The following BCL7C variants were observed in gnomAD, a reference collection of about 807,000 sequenced individuals.
BCL7C encodes the protein BAF chromatin remodeling complex subunit BCL7C.
BCL7C carries 8 observed loss-of-function variants against 26.2 expected under a neutral mutation model. That is an observed-to-expected ratio of 0.30 (90% CI 0.18 to 0.55). The LOEUF (loss-of-function observed/expected upper bound fraction) is 0.55, where lower values mean the gene tolerates loss of function less well. Among genes scored for constraint, BCL7C ranks in the 20% least tolerant of loss-of-function variants. The probability of loss-of-function intolerance (pLI) is 0.93; values close to 1 mark genes in which losing one functional copy is unlikely to be tolerated. For missense variants in BCL7C, 262 were observed against 298.5 expected (o/e 0.88, Z 0.90); for synonymous variants, 90 against 116.5 (o/e 0.77, Z 1.47).
At chr16:30,837,462 C>T (rs1191202657) in intron 5 of BCL7C, among the ~76,000 whole-genome samples, 1 of 152,110 alleles carries the variant, frequency 6.6e-6, no homozygotes, top group Non-Finnish European at 1.5e-5. Context: ...ATTCTCCTGC[C>T]TCAGCCTCCC....
chr16:30,892,301 G>T (rs1456375577), intron 4 of BCL7C, among the ~76,000 whole-genome samples: 1 of 116,008 alleles, frequency 8.6e-6, no homozygotes, highest in South Asian at 2.6e-4. Flanking sequence ...AAAAAAAAAA[G>T]GATCAATATG....
At chr16:30,835,049 C>T in exon 6 of BCL7C, 1 of 1,549,074 alleles carries the variant, frequency 6.5e-7, no homozygotes, top group Non-Finnish European at 8.7e-7. Context: ...CTGGGCCGGA[C>T]ATTTGTCCGG....
chr16:30,887,998 G>A lies in BCL7C; in HGVS notation c.529-8C>T. Reference sequence around the variant, plus strand: ...AGGGTAAGCTTCGGGGGCCTGGAGAGGAAGGGTGGACAGGCGTGAGCTCCA... The same window carrying A: ...AGGGTAAGCTTCGGGGGCCTGGAGAAGAAGGGTGGACAGGCGTGAGCTCCA... On this transcript the variant is annotated splice_region_variant and splice_polypyrimidine_tract_variant and intron_variant, in intron 5 of 5. Transcript: ENST00000215115. The A allele has an allele frequency of 6.2e-7, 1 of 1,602,722 alleles. No homozygotes were observed. Among genetic ancestry groups the A allele is most frequent in the South Asian group, 1.1e-5 (1 of 89,390 alleles).
intron 5 of BCL7C, among the ~76,000 whole-genome samples, chr16:30,874,090 G>T (rs1183649302): frequency 6.0e-5 from 9 of 150,140 alleles, no homozygotes; most frequent in Non-Finnish European, 1.2e-4. Context: ...CTGCCTCCCG[G>T]GTTCAAGGGA....
chr16:30,872,543 A>C (rs1221803144), intron 5 of BCL7C, among the ~76,000 whole-genome samples: 1 of 152,214 alleles, frequency 6.6e-6, no homozygotes, highest in Non-Finnish European at 1.5e-5. Context: ...GAGAGGGTGA[A>C]AGCCCCAGTG....
chr16:30,844,041 CAAAAAAAAAAAA>C (rs533064710), intron 5 of BCL7C, among the ~76,000 whole-genome samples: 6 of 24,386 alleles, frequency 2.5e-4, no homozygotes, highest in South Asian at 3.9e-3. Context: ...GACTCTGCCT[CAAAAAAAAAAAA>C]AAAAAAAAAA....
intron 5 of BCL7C, among the ~76,000 whole-genome samples, chr16:30,869,569 T>C (rs1289954008): frequency 2.0e-5 from 3 of 150,942 alleles, no homozygotes; most frequent in African/African-American, 4.9e-5. Flanking sequence ...TGGAGTGCAG[T>C]GTCACGATCA....
intron 5 of BCL7C, among the ~76,000 whole-genome samples, chr16:30,843,351 A>G (rs1449044050): frequency 6.6e-6 from 1 of 152,124 alleles, no homozygotes; most frequent in Admixed American, 6.6e-5. Context: ...ACTTGAGACC[A>G]GGAGTTTGAG....
chr16:30,867,763 G>A lies in BCL7C; in HGVS notation c.528+21097C>T, dbSNP rs555925607. On this transcript the variant is annotated intron_variant, in intron 5 of 5. Coordinates refer to the BCL7C transcript ENST00000380317. ...AGCCAAGATCGCGCCACTGCACTCC[G>A]GCCTGGGCAACAGAGCAAGACTCCA... is the stretch of plus-strand genomic sequence containing the variant. Among the ~76,000 whole-genome samples the A allele has an allele frequency of 7.2e-5, 11 of 151,974 alleles. No homozygotes were observed. The East Asian group carries it at 1.2e-3, about 16-fold the overall frequency.
chr16:30,847,787 C>T (rs182003894), intron 5 of BCL7C, among the ~76,000 whole-genome samples: 8 of 151,890 alleles, frequency 5.3e-5, no homozygotes, highest in Admixed American at 4.6e-4. Context: ...CAGAATGAGA[C>T]TCTATCTTGA....
At position 30,893,303 on chromosome 16, in the gene BCL7C, G is replaced by T. The variant is rs1246872971; in HGVS notation, c.93-13C>A. ...CCATCGCTTCTCCCTGTGGGAGGGTGGGGGGCTGGGTCAGAGAGGCCTGAG... is the reference window on the plus strand; with the variant it reads ...CCATCGCTTCTCCCTGTGGGAGGGTTGGGGGCTGGGTCAGAGAGGCCTGAG... On this transcript the variant is annotated splice_polypyrimidine_tract_variant and intron_variant, in intron 1 of 5. Transcript: ENST00000215115. The surrounding 1 kb of genome is among the most constrained non-coding windows in gnomAD (Gnocchi z 5.2). 2 of 1,610,316 alleles carry T rather than the reference G, an allele frequency of 1.2e-6. No homozygotes were observed.
intron 5 of BCL7C, among the ~76,000 whole-genome samples, chr16:30,838,918 A>G (rs1277410187): frequency 6.6e-6 from 1 of 152,248 alleles, no homozygotes; most frequent in Non-Finnish European, 1.5e-5. Flanking sequence ...ACTTTCCCCA[A>G]ATCGTTAACA....
At chr16:30,880,747 A>G (rs891623137) in intron 5 of BCL7C, among the ~76,000 whole-genome samples, 2 of 151,914 alleles carry the variant, frequency 1.3e-5, no homozygotes, top group Non-Finnish European at 2.9e-5. Flanking sequence ...TGCCCAGGCT[A>G]GAGTGCAGTG....
intron 4 of BCL7C, among the ~76,000 whole-genome samples, chr16:30,890,632 C>T (rs2055212167): frequency 6.6e-6 from 1 of 152,060 alleles, no homozygotes; most frequent in Non-Finnish European, 1.5e-5. Context: ...GGCGGATCAC[C>T]TGAGGTCAGG....
intron 3 of BCL7C, 29 bp downstream of exon 3, chr16:30,892,811 G>A: frequency 1.2e-6 from 2 of 1,613,624 alleles, no homozygotes; most frequent in Non-Finnish European, 1.7e-6. Flanking sequence ...AGTCCCCACA[G>A]CCCCCCGCGT....
At chr16:30,838,098 C>T (rs2054580062) in intron 5 of BCL7C, among the ~76,000 whole-genome samples, 1 of 152,206 alleles carries the variant, frequency 6.6e-6, no homozygotes, top group African/African-American at 2.4e-5. Flanking sequence ...GGTCTCAATT[C>T]AGGGCACAGG....
chr16:30,866,979 A>C (rs1406344492), intron 5 of BCL7C, among the ~76,000 whole-genome samples: 2 of 152,226 alleles, frequency 1.3e-5, no homozygotes, highest in African/African-American at 4.8e-5. Context: ...ACTTGAGCCC[A>C]GGAGTTTGAG....
chr16:30,869,629 C>A (rs112745168), intron 5 of BCL7C, among the ~76,000 whole-genome samples: 1 of 151,802 alleles, frequency 6.6e-6, no homozygotes, highest in Non-Finnish European at 1.5e-5. Flanking sequence ...CTCCTGCCTT[C>A]GCCTGCAGTG....
downstream of BCL7C, chr16:30,887,712 C>G (rs900270356): frequency 3.1e-6 from 4 of 1,287,366 alleles, no homozygotes; most frequent in African/African-American, 6.2e-5. Context: ...GCCTCAGTGA[C>G]CACATCTGAG....
Sources: gnomAD v4.1 joint callset for allele counts (sites outside exome capture counted in the v4.1 genomes callset) on GRCh38, gnomAD v4.1.1 for gene constraint, Gnocchi (gnomAD v3.1) non-coding constraint, MANE v1.5 for transcripts, NCBI Gene and HGNC (gene_info 2026-07-23, HGNC 2026-07-21) for gene names.